The following SNTG1 variants were observed in gnomAD, a reference collection of about 807,000 sequenced individuals.
SNTG1 encodes the protein syntrophin gamma 1, also known as gamma-1-syntrophin.
A neutral mutation model predicts 74.7 loss-of-function variants in SNTG1; 39 were observed. That is an observed-to-expected ratio of 0.52 (90% CI 0.40 to 0.68). The LOEUF is 0.68. Ranked by LOEUF, SNTG1 falls within the 30% of genes least tolerant of loss-of-function variation. The probability of loss-of-function intolerance (pLI) is 0.00; values close to 1 mark genes in which losing one functional copy is unlikely to be tolerated. For missense variants in SNTG1, 685 were observed against 609.5 expected, an observed-to-expected ratio of 1.12 and a Z score of -1.30; for synonymous variants, 254 against 217.1, an observed-to-expected ratio of 1.17 and a Z score of -1.49.
chr8:50,430,594 T>C (rs898258643), intron 4 of SNTG1, among the ~76,000 whole-genome samples: 3 of 152,186 alleles, frequency 2.0e-5, no homozygotes, highest in Non-Finnish European at 4.4e-5. Flanking sequence ...AACCAAAGAA[T>C]GAGACAGACA....
chr8:50,319,410 T>A (rs1457579992), intron 2 of SNTG1, among the ~76,000 whole-genome samples: 2 of 152,176 alleles, frequency 1.3e-5, no homozygotes, highest in Non-Finnish European at 2.9e-5. Context: ...CTGATTTTTG[T>A]ATGTTGATGT....
intron 2 of SNTG1, among the ~76,000 whole-genome samples, chr8:50,363,315 G>A (rs993338031): frequency 1.3e-5 from 2 of 151,984 alleles, no homozygotes; most frequent in African/African-American, 2.4e-5. Flanking sequence ...CTCTTTTTTT[G>A]ATAGTGCAAA....
At chr8:50,348,575 C>T (rs2130983807) in intron 2 of SNTG1, among the ~76,000 whole-genome samples, 1 of 152,258 alleles carries the variant, frequency 6.6e-6, no homozygotes, top group African/African-American at 2.4e-5. Flanking sequence ...GACCAATGCA[C>T]TTAATATTTA....
At chr8:50,713,023 G>A (rs1317851121) in intron 17 of SNTG1, among the ~76,000 whole-genome samples, 4 of 152,076 alleles carry the variant, frequency 2.6e-5, no homozygotes, top group Non-Finnish European at 5.9e-5. Flanking sequence ...CCCAGTAATG[G>A]GATTGCTGGG....
intron 1 of SNTG1, among the ~76,000 whole-genome samples, chr8:50,120,768 T>C (rs1439449464): frequency 7.0e-6 from 1 of 142,662 alleles, no homozygotes; most frequent in Non-Finnish European, 1.6e-5. Context: ...ATTCTGTTTT[T>C]ATTTTTGGGC....
intron 2 of SNTG1, among the ~76,000 whole-genome samples, chr8:50,226,415 T>C (rs1346246607): frequency 1.4e-5 from 2 of 148,016 alleles, no homozygotes; most frequent in Admixed American, 1.3e-4. Context: ...GATAGCTAGT[T>C]TTTTTTCTTC....
chr8:50,782,576 C>T (rs1453190274), intron 18 of SNTG1, among the ~76,000 whole-genome samples: 3 of 152,150 alleles, frequency 2.0e-5, no homozygotes, highest in Non-Finnish European at 4.4e-5. Flanking sequence ...AAGCACTTCT[C>T]TGTATTGGTT....
intron 13 of SNTG1, among the ~76,000 whole-genome samples, chr8:50,596,242 T>C (rs2094726337): frequency 6.6e-6 from 1 of 152,024 alleles, no homozygotes; most frequent in African/African-American, 2.4e-5. Flanking sequence ...TTGACATCTG[T>C]ATATATTCTT....
chr8:49,949,525 T>A (rs1585625959), intron 1 of SNTG1, among the ~76,000 whole-genome samples: 1 of 152,200 alleles, frequency 6.6e-6, no homozygotes, highest in African/African-American at 2.4e-5. Flanking sequence ...TGAAATTATT[T>A]GGAGTGAACT....
chr8:50,255,817 G>C (rs2086853912), intron 2 of SNTG1, among the ~76,000 whole-genome samples: 1 of 152,102 alleles, frequency 6.6e-6, no homozygotes, highest in South Asian at 2.1e-4. Flanking sequence ...AAGCACTGAG[G>C]GCTAGAAGTT....
At chr8:50,184,161 T>G (rs1056160597) in intron 2 of SNTG1, among the ~76,000 whole-genome samples, 1 of 152,152 alleles carries the variant, frequency 6.6e-6, no homozygotes, top group Non-Finnish European at 1.5e-5. Context: ...GTTACATCTT[T>G]TTTATTATTA....
At chr8:50,177,858 C>A (rs990591482) in intron 2 of SNTG1, among the ~76,000 whole-genome samples, 1 of 152,144 alleles carries the variant, frequency 6.6e-6, no homozygotes, top group Admixed American at 6.5e-5. Context: ...ATATCCCCTA[C>A]GCTTCTCTTA....
chr8:49,988,822 T>A (rs1813412925), intron 1 of SNTG1, among the ~76,000 whole-genome samples: 2 of 151,724 alleles, frequency 1.3e-5, no homozygotes, highest in African/African-American at 4.8e-5. Flanking sequence ...AAAGAACATT[T>A]CAAATGAGTA....
At chr8:50,115,054 C>A (rs2080758125) in intron 1 of SNTG1, among the ~76,000 whole-genome samples, 2 of 151,726 alleles carry the variant, frequency 1.3e-5, no homozygotes, top group Non-Finnish European at 2.9e-5. Context: ...ATAGATTTGC[C>A]ATGAAAAATG....
At chr8:50,250,991 T>A (rs548547577) in intron 2 of SNTG1, among the ~76,000 whole-genome samples, 2 of 29,298 alleles carry the variant, frequency 6.8e-5, no homozygotes, top group East Asian at 0.01. Flanking sequence ...AGGTTTAAAG[T>A]CAAAAAGGTA....
rs180943694 is a variant in SNTG1 at position 50,680,664 on chromosome 8, A to G, written c.1038+22001A>G. 3.5e-3 allele frequency among the ~76,000 whole-genome samples: 530 copies of G among 152,198 alleles called. 4 individuals are homozygous for G. Among genetic ancestry groups the G allele is most frequent in the Middle Eastern group, 6.8e-3 (2 of 294 alleles). ...TACCAACACCCTTCGGAGGCAGTCT[A>G]TCTCTATTGTTTTCCATTGTTTACC... is the stretch of plus-strand genomic sequence containing the variant. On this transcript the variant is annotated intron_variant, in intron 15 of 18. Transcript: ENST00000642720.
At chr8:50,320,756 A>C (rs1349817517) in intron 2 of SNTG1, among the ~76,000 whole-genome samples, 1 of 151,642 alleles carries the variant, frequency 6.6e-6, no homozygotes, top group Admixed American at 6.6e-5. Context: ...TTTCTTCTCA[A>C]TTTCTTCATT....
chr8:50,203,936 GT>G (rs2131856110), intron 2 of SNTG1, among the ~76,000 whole-genome samples: 1 of 152,122 alleles, frequency 6.6e-6, no homozygotes, highest in East Asian at 1.9e-4. Context: ...CAACCTAAAA[GT>G]TATGTTGTTA....
intron 1 of SNTG1, among the ~76,000 whole-genome samples, chr8:50,007,799 G>A (rs187229005): frequency 1.6e-3 from 244 of 152,154 alleles, no homozygotes; most frequent in Non-Finnish European, 2.5e-3. Flanking sequence ...AGAACTACTT[G>A]AGATTGGGTA....
Sources: gnomAD v4.1 joint callset for allele counts (sites outside exome capture counted in the v4.1 genomes callset) on GRCh38, gnomAD v4.1.1 for gene constraint, MANE v1.5 for transcripts, NCBI Gene and HGNC (gene_info 2026-07-23, HGNC 2026-07-21) for gene names.